TMEM95: variants seen among roughly 807,000 people sequenced by gnomAD.
TMEM95 encodes the protein sperm-egg fusion protein TMEM95.
In TMEM95, 21 loss-of-function variants were observed where a neutral mutation model predicts 27.7. That is an observed-to-expected ratio of 0.76 (90% CI 0.54 to 1.09). TMEM95 has a LOEUF of 1.09. TMEM95 is among the 50% of genes least tolerant of loss of function. TMEM95 has a pLI of 0.00. For missense variants in TMEM95, 203 were observed against 217.9 expected, an observed-to-expected ratio of 0.93 and a Z score of 0.43; for synonymous variants, 77 against 85.7, an observed-to-expected ratio of 0.90 and a Z score of 0.56.
Position 7,355,930 on chromosome 17 carries a change from G to A in TMEM95, c.307+12G>A. On this transcript the variant is annotated intron_variant, in intron 3 of 6. Transcript: ENST00000576060. This position sits in a 1 kb window ranked among gnomAD's most constrained non-coding sequence, Gnocchi z 4.9. ...GTACACCAGGGAAGGTACCGATGCG[G>A]GATGGGCCTCAAGGGGAGCCTAGGG... 6.2e-7 allele frequency: 1 copy of A among 1,614,028 alleles called. No homozygotes were observed. The highest frequency in any genetic ancestry group is 8.5e-7 in the Non-Finnish European group (1 of 1,179,926).
Position 7,355,750 on chromosome 17 carries a change from A to T in TMEM95, c.227-88A>T. ...GGAAGGGTGGAGGGGTAGAGACAGG[A>T]GGGCTGATCAGGGAGGGGCTGCGTG... On this transcript the variant is annotated intron_variant, in intron 2 of 6. Coordinates refer to ENST00000576060, the MANE Select transcript of TMEM95 (RefSeq NM_001320436.2). This position sits in a 1 kb window ranked among gnomAD's most constrained non-coding sequence, Gnocchi z 4.9. 6.7e-7 allele frequency: 1 copy of T among 1,496,736 alleles called. No homozygotes were observed. The highest frequency in any genetic ancestry group is 1.9e-4 in the Middle Eastern group (1 of 5,178). 92.7% of individuals were successfully genotyped at this position (1,496,736 alleles called of 1,614,324 possible). A position where few individuals can be genotyped will look rare whatever the true frequency, so the allele number is the denominator to read the frequency against.
chr17:7,355,188 A>C lies in TMEM95; in HGVS notation c.-17A>C. ...GGCTCAGCTGGGGCAGCGCCGCCCC[A>C]TCCCCCAGTGGTCCTCATGTGGAGG... On this transcript the variant is annotated 5_prime_UTR_variant, in exon 1 of 7. Transcript: ENST00000576060. This position sits in a 1 kb window ranked among gnomAD's most constrained non-coding sequence, Gnocchi z 4.9. The C allele has an allele frequency of 6.2e-7, 1 of 1,609,836 alleles. No individual in the cohort carries two copies. Among genetic ancestry groups the C allele is most frequent in the Non-Finnish European group, 8.5e-7 (1 of 1,178,662 alleles).
Position 7,355,852 on chromosome 17 carries a change from G to C in TMEM95, c.241G>C (p.Val81Leu). The C allele has an allele frequency of 1.9e-6, 3 of 1,613,996 alleles. No individual in the cohort carries two copies. Among genetic ancestry groups the C allele is most frequent in the Non-Finnish European group, 2.5e-6 (3 of 1,180,002 alleles). The change falls in exon 3 of 7, where the codon GTC becomes CTC. Residue 81 changes from valine (V) to leucine (L), a missense_variant. Coordinates refer to ENST00000576060, the MANE Select transcript of TMEM95 (RefSeq NM_001320436.2). This position sits in a 1 kb window ranked among gnomAD's most constrained non-coding sequence, Gnocchi z 4.9. ...TGCCTCCCCAGAAATCAAAGAGGCT[G>C]TCTCCTCACTCCCTTCATATTGGAG... ...VLRVMEIKEA[V>L]SSLPSYWSWL...
chr17:7,355,418 C>T lies in TMEM95; in HGVS notation c.169+45C>T. ...GATGGGCCCAGCAAGCACTCACCCC[C>T]CTACCCCCAGAGGGTGGCATGTGAC... On this transcript the variant is annotated intron_variant, in intron 1 of 6. Transcript: ENST00000576060. This position sits in a 1 kb window ranked among gnomAD's most constrained non-coding sequence, Gnocchi z 4.9. The T allele has an allele frequency of 1.9e-6, 3 of 1,587,130 alleles. No homozygotes were observed. Among genetic ancestry groups the T allele is most frequent in the Non-Finnish European group, 2.6e-6 (3 of 1,164,164 alleles).
At chr17:7,356,348 G>C in intron 5 of TMEM95, 44 bp from the exon 6 acceptor site, 1 of 1,609,364 alleles carries the variant, frequency 6.2e-7, no homozygotes, top group South Asian at 1.1e-5. Flanking sequence ...AAGTCGGTGC[G>C]TGTGGGTCCC....
rs2073504885 is a variant in TMEM95, at chr17:7,356,416, A to G, written c.434A>G (p.Lys145Arg). The G allele has an allele frequency of 6.2e-7, 1 of 1,614,012 alleles. No individual in the cohort carries two copies. ...FPGSQDLWEAKILLLSIFGAF... is the reference protein window; with the variant it reads ...FPGSQDLWEARILLLSIFGAF... Reference sequence around the variant, plus strand: ...GGAAGTCAGGATCTTTGGGAAGCCAAGATTCTGCTCCTCTCCATCTTCGGA... The same window carrying G: ...GGAAGTCAGGATCTTTGGGAAGCCAGGATTCTGCTCCTCTCCATCTTCGGA... Residue 145 changes from lysine (K) to arginine (R), a missense_variant, in exon 6 of 7, where the codon AAG becomes AGG. By Grantham distance (26) the Lys-to-Arg change is conservative. Coordinates refer to ENST00000576060, the MANE Select transcript of TMEM95 (RefSeq NM_001320436.2).
Position 7,355,667 on chromosome 17 carries a change from C to T in TMEM95, c.226+25C>T, listed in dbSNP as rs1349938644. On this transcript the variant is annotated intron_variant, in intron 2 of 6. Coordinates refer to ENST00000576060, the MANE Select transcript of TMEM95 (RefSeq NM_001320436.2). This position sits in a 1 kb window ranked among gnomAD's most constrained non-coding sequence, Gnocchi z 4.9. ...GGTGAGGTCAAGGGGAAAGAGTGAC[C>T]TAGGGGCTTGGGAGGATACCAAGGA... 1 of 1,547,724 alleles carries T rather than the reference C, an allele frequency of 6.5e-7. No individual in the cohort carries two copies. Among genetic ancestry groups the T allele is most frequent in the Non-Finnish European group, 8.8e-7 (1 of 1,142,510 alleles).
At chr17:7,356,515 C>G in intron 6 of TMEM95, 36 bp downstream of exon 6, 7 of 1,612,306 alleles carry the variant, frequency 4.3e-6, no homozygotes, top group Non-Finnish European at 5.9e-6. Flanking sequence ...TCCTACCCCG[C>G]CCAGTGCCTT....
chr17:7,355,987 C>T lies in TMEM95; in HGVS notation c.308-42C>T, dbSNP rs753997095. 6.2e-7 allele frequency: 1 copy of T among 1,613,520 alleles called. No homozygotes were observed. Among genetic ancestry groups the T allele is most frequent in the Non-Finnish European group, 8.5e-7 (1 of 1,179,556 alleles). On this transcript the variant is annotated intron_variant, in intron 3 of 6. Coordinates refer to ENST00000576060, the MANE Select transcript of TMEM95 (RefSeq NM_001320436.2). This position sits in a 1 kb window ranked among gnomAD's most constrained non-coding sequence, Gnocchi z 4.9. ...CCAAAGGAATGTGTGGTGAGCAGCT[C>T]ATCCATTCACACCCCCACCCCTTCC...
rs1191532487 is a variant in TMEM95 at position 7,356,766 on chromosome 17, C to T, written c.*134C>T. The T allele has an allele frequency of 4.3e-6, 4 of 933,574 alleles. No individual in the cohort carries two copies. The highest frequency in any genetic ancestry group is 6.5e-6 in the Non-Finnish European group (4 of 620,148). The allele number at this position is 933,574 out of a possible 1,614,324, so 57.8% of individuals were successfully genotyped here. The stretch of plus-strand genomic sequence containing the variant: ...CTCCAGACCCTAAAACCCAGACATC[C>T]CTGCTTCTGGTTGGTGAGATAATGA... On this transcript the variant is annotated 3_prime_UTR_variant, in exon 7 of 7. Transcript: ENST00000576060.
In TMEM95 at chr17:7,355,605, A is replaced by G; in HGVS notation, c.189A>G (p.Lys63=). ...CCACAGATGAGGTGTCCATGAACAA[A>G]GTCACAGAGAAGACTCACAGAGTCC... ...AFALDEVSMN[K]VTEKTHRVLR... Residue 63 remains lysine (K), a synonymous_variant, in exon 2 of 7, where the codon AAA becomes AAG. Transcript: ENST00000576060. The surrounding 1 kb of genome is among the most constrained non-coding windows in gnomAD (Gnocchi z 4.9). 1 of 1,556,914 alleles carries G rather than the reference A, an allele frequency of 6.4e-7. No homozygotes were observed. Among genetic ancestry groups the G allele is most frequent in the Non-Finnish European group, 8.7e-7 (1 of 1,149,566 alleles).
rs773795377 is a variant in TMEM95, at chr17:7,356,587, G to A, written c.498-12G>A. On this transcript the variant is annotated splice_polypyrimidine_tract_variant and intron_variant, in intron 6 of 6. Coordinates refer to ENST00000576060, the MANE Select transcript of TMEM95 (RefSeq NM_001320436.2). ...CCCCTCCCGTAGGCTTCCCACCCTCGTCTTCCCTCAGGTCCCACCACCTCC... is the reference window on the plus strand; with the variant it reads ...CCCCTCCCGTAGGCTTCCCACCCTCATCTTCCCTCAGGTCCCACCACCTCC... 9.3e-6 allele frequency: 15 copies of A among 1,605,700 alleles called. No homozygotes were observed. Among genetic ancestry groups the A allele is most frequent in the East Asian group, 4.5e-5 (2 of 44,588 alleles).
chr17:7,355,521 A>G lies in TMEM95; in HGVS notation c.170-65A>G. 6.5e-7 allele frequency: 1 copy of G among 1,537,060 alleles called. No homozygotes were observed. Among genetic ancestry groups the G allele is most frequent in the Non-Finnish European group, 8.8e-7 (1 of 1,137,082 alleles). ...CTCTGAGAGAGCTCCATATCTGGGA[A>G]AGTCAGGAGAGACCCCAGAACCTGG... On this transcript the variant is annotated intron_variant, in intron 1 of 6. Coordinates refer to ENST00000576060, the MANE Select transcript of TMEM95 (RefSeq NM_001320436.2). The surrounding 1 kb of genome is among the most constrained non-coding windows in gnomAD (Gnocchi z 4.9).
Position 7,356,059 on chromosome 17 carries a change from AAAGGAAAGGGGTAGC to A in TMEM95, c.328+16_328+30del, listed in dbSNP as rs1297924384. The A allele has an allele frequency of 6.2e-7, 1 of 1,613,828 alleles. No homozygotes were observed. Among genetic ancestry groups the A allele is most frequent in the Admixed American group, 1.7e-5 (1 of 59,996 alleles). Reference sequence around the variant, plus strand: ...TGTCCCCCCGCCTGCCGTGAGTAGGAAAGGAAAGGGGTAGCAAGGACCTGGGGCCTGCAGGGTGTC... The same window carrying A: ...TGTCCCCCCGCCTGCCGTGAGTAGGAAAGGACCTGGGGCCTGCAGGGTGTC... On this transcript the variant is annotated intron_variant, in intron 4 of 6. Transcript: ENST00000576060.
In TMEM95 at chr17:7,356,578, C is replaced by T. The variant is rs777185741; in HGVS notation, c.498-21C>T. 7.5e-6 allele frequency: 12 copies of T among 1,602,586 alleles called. No individual in the cohort carries two copies. In the Admixed American group the frequency reaches 1.8e-4, roughly 25 times the overall value. ...CCTCCCAGGCCCCTCCCGTAGGCTT[C>T]CCACCCTCGTCTTCCCTCAGGTCCC... On this transcript the variant is annotated intron_variant, in intron 6 of 6. Transcript: ENST00000576060.
chr17:7,355,504 G>A lies in TMEM95; in HGVS notation c.170-82G>A. 6.5e-7 allele frequency: 1 copy of A among 1,532,854 alleles called. No individual in the cohort carries two copies. Among genetic ancestry groups the A allele is most frequent in the South Asian group, 1.2e-5 (1 of 82,626 alleles). The allele number at this position is 1,532,854 out of a possible 1,614,324, so 95.0% of individuals were successfully genotyped here. ...GACATGCTGGCCTTTCCCTCTGAGA[G>A]AGCTCCATATCTGGGAAAGTCAGGA... On this transcript the variant is annotated intron_variant, in intron 1 of 6. Coordinates refer to ENST00000576060, the MANE Select transcript of TMEM95 (RefSeq NM_001320436.2). This position sits in a 1 kb window ranked among gnomAD's most constrained non-coding sequence, Gnocchi z 4.9.
chr17:7,356,323 A>C, intron 5 of TMEM95, 47 bp downstream of exon 5: 1 of 1,605,178 alleles, frequency 6.2e-7, no homozygotes, highest in Non-Finnish European at 8.5e-7. Flanking sequence ...CAGATCCCTG[A>C]GCCCTTGGGC....
rs761460289 is a variant in TMEM95, at chr17:7,355,869, A to G, written c.258A>G (p.Ser86=). 4.3e-6 allele frequency: 7 copies of G among 1,613,846 alleles called. No homozygotes were observed. In the South Asian group the frequency reaches 7.7e-5, roughly 18 times the overall value. The stretch of plus-strand genomic sequence containing the variant: ...AAGAGGCTGTCTCCTCACTCCCTTC[A>G]TATTGGAGTTGGCTTCGAAAGACCA... The part of the protein sequence containing the change: ...EIKEAVSSLP[S]YWSWLRKTKL... The change falls in exon 3 of 7, where the codon TCA becomes TCG. Residue 86 remains serine, a synonymous_variant. Transcript: ENST00000576060. This position sits in a 1 kb window ranked among gnomAD's most constrained non-coding sequence, Gnocchi z 4.9.
chr17:7,356,076 A>G, intron 4 of TMEM95, 27 bp downstream of exon 4: 1 of 1,614,032 alleles, frequency 6.2e-7, no homozygotes, highest in Non-Finnish European at 8.5e-7. Context: ...AGGGGTAGCA[A>G]GGACCTGGGG....
Sources: allele counts gnomAD v4.1 joint callset, GRCh38; gene constraint gnomAD v4.1.1; non-coding constraint Gnocchi (gnomAD v3.1); transcripts MANE v1.5; gene names NCBI Gene and HGNC (gene_info 2026-07-23, HGNC 2026-07-21).